The following PRELID2 variants were observed in gnomAD, a reference collection of about 807,000 sequenced individuals.
PRELID2 encodes PRELI domain-containing protein 2.
PRELID2 carries 25 observed loss-of-function variants against 28.4 expected under a neutral mutation model. That is an observed-to-expected ratio of 0.88 (90% CI 0.64 to 1.23). The LOEUF is 1.23. Ranked by LOEUF, PRELID2 falls within the 50% of genes most tolerant of loss-of-function variation. The pLI is 0.00. For missense variants in PRELID2, 201 were observed against 214.4 expected (o/e 0.94, Z 0.39); for synonymous variants, 76 against 71.6 (o/e 1.06, Z -0.31).
At chr5:145,527,269 TA>T (rs1454183150) in intron 1 of PRELID2, among the ~76,000 whole-genome samples, 4 of 152,170 alleles carry the variant, frequency 2.6e-5, no homozygotes, top group Non-Finnish European at 5.9e-5. Flanking sequence ...TACATACACA[TA>T]AATATGCAAA....
At chr5:145,735,017 C>CG (rs1354450899) in intron 1 of PRELID2, among the ~76,000 whole-genome samples, 3 of 152,108 alleles carry the variant, frequency 2.0e-5, no homozygotes, top group African/African-American at 7.2e-5. Context: ...GAGGATAAGG[C>CG]GGGCAGATCA....
At position 145,776,069 on chromosome 5, in the gene PRELID2, C is replaced by T. The variant is rs146849456; in HGVS notation, c.475-11069G>A. Among the ~76,000 whole-genome samples, 1,149 of 152,270 alleles carry T rather than the reference C, an allele frequency of 7.5e-3. 19 individuals carry two copies. The highest frequency in any genetic ancestry group is 0.026 in the African/African-American group (1,077 of 41,554). On this transcript the variant is annotated intron_variant, in intron 5 of 6. Transcript: ENST00000683046. ...AAAATGCCTGCAGTGTTTATAGTTACCTCTTATCTGTAGTTTTGTTTTCCA... is the reference window on the plus strand; with the variant it reads ...AAAATGCCTGCAGTGTTTATAGTTATCTCTTATCTGTAGTTTTGTTTTCCA...
intron 1 of PRELID2, among the ~76,000 whole-genome samples, chr5:145,546,472 A>G (rs769051054): frequency 8.5e-5 from 13 of 152,180 alleles, no homozygotes; most frequent in Non-Finnish European, 1.3e-4. Flanking sequence ...GTACACTTGT[A>G]AAAAGGGAAA....
intron 1 of PRELID2, among the ~76,000 whole-genome samples, chr5:145,479,329 A>G (rs1205813417): frequency 1.3e-5 from 2 of 152,078 alleles, no homozygotes; most frequent in East Asian, 3.9e-4. Flanking sequence ...CAGCGAGCCC[A>G]TTTGCTTGAC....
chr5:145,705,939 T>TACACAC (rs61283424), intron 1 of PRELID2, among the ~76,000 whole-genome samples: 8,648 of 145,510 alleles, frequency 0.059, 613 homozygotes, highest in African/African-American at 0.16. Context: ...CATGTGCGCC[T>TACACAC]ACACACACAC....
the PRELID2 span, among the ~76,000 whole-genome samples, chr5:145,426,986 C>CTCTGAAT: frequency 6.6e-6 from 1 of 152,314 alleles, no homozygotes; most frequent in South Asian, 2.1e-4. Context: ...TGAGTCAAAT[C>CTCTGAAT]TCTGAGTAAC....
chr5:145,726,092 C>T (rs1420359307), intron 1 of PRELID2, among the ~76,000 whole-genome samples: 2 of 151,682 alleles, frequency 1.3e-5, no homozygotes, highest in Admixed American at 6.6e-5. Flanking sequence ...TTGCTTGAGC[C>T]CACGAGATGG....
At chr5:145,556,365 T>G (rs899078953) in intron 1 of PRELID2, among the ~76,000 whole-genome samples, 1 of 152,166 alleles carries the variant, frequency 6.6e-6, no homozygotes, top group African/African-American at 2.4e-5. Flanking sequence ...TGGCTAGTTG[T>G]GTGAGCCAGA....
intron 1 of PRELID2, among the ~76,000 whole-genome samples, chr5:145,582,727 T>A (rs1043131035): frequency 6.6e-6 from 1 of 151,610 alleles, no homozygotes; most frequent in Admixed American, 6.6e-5. Flanking sequence ...ACACACACAC[T>A]CTCCCAAGAC....
chr5:145,613,110 T>TGAAA (rs1196427110), intron 1 of PRELID2, among the ~76,000 whole-genome samples: 2 of 152,134 alleles, frequency 1.3e-5, no homozygotes, highest in African/African-American at 4.8e-5. Context: ...AAGGTACAAG[T>TGAAA]GTCCCCTGAT....
chr5:145,485,700 C>T lies in PRELID2; in HGVS notation n.71-12385G>A, dbSNP rs62392701. Among the ~76,000 whole-genome samples the T allele has an allele frequency of 9.2e-3, 1,403 of 152,308 alleles. 8 individuals are homozygous for T. The highest frequency in any genetic ancestry group is 0.013 in the Non-Finnish European group (901 of 68,016). On this transcript the variant is annotated intron_variant and non_coding_transcript_variant, in intron 1 of 2. Transcript: ENST00000510259. Reference sequence around the variant, plus strand: ...ACCAACGTCTGTCCCTGACCAGAGACTCCTCAGCACCTGAGTCGTCAGGTA... The same window carrying T: ...ACCAACGTCTGTCCCTGACCAGAGATTCCTCAGCACCTGAGTCGTCAGGTA...
intron 1 of PRELID2, among the ~76,000 whole-genome samples, chr5:145,568,606 T>C (rs1005616144): frequency 6.6e-6 from 1 of 152,354 alleles, no homozygotes; most frequent in African/African-American, 2.4e-5. Flanking sequence ...CTTCTTTCTC[T>C]TTTAGAATTT....
At chr5:145,569,713 G>A (rs1242554012) in intron 1 of PRELID2, among the ~76,000 whole-genome samples, 2 of 152,162 alleles carry the variant, frequency 1.3e-5, no homozygotes, top group Non-Finnish European at 2.9e-5. Flanking sequence ...TACGTATTAG[G>A]TATTTACATA....
chr5:145,635,521 T>C (rs1473300317), intron 1 of PRELID2, among the ~76,000 whole-genome samples: 2 of 152,206 alleles, frequency 1.3e-5, no homozygotes, highest in Admixed American at 1.3e-4. Flanking sequence ...CATCCCCACT[T>C]GAAGAAGAAA....
At chr5:145,813,561 G>A (rs1328904694) in intron 4 of PRELID2, among the ~76,000 whole-genome samples, 1 of 151,672 alleles carries the variant, frequency 6.6e-6, no homozygotes, top group Non-Finnish European at 1.5e-5. Context: ...CCTCACCACT[G>A]TGCTCAAGGT....
the PRELID2 span, chr5:145,229,034 G>A: frequency 6.2e-7 from 1 of 1,601,864 alleles, no homozygotes; most frequent in Non-Finnish European, 8.5e-7. Context: ...AGTTCATCTG[G>A]GCGGCCATCC....
chr5:145,817,198 A>AAAATATATATATATAT (rs1365517052), intron 4 of PRELID2, among the ~76,000 whole-genome samples: 19 of 70,044 alleles, frequency 2.7e-4, no homozygotes, highest in East Asian at 7.0e-4. Flanking sequence ...TTCAAAAAAA[A>AAAATATATATATATAT]ATAAATAAAT....
chr5:145,269,414 A>G, the PRELID2 span, among the ~76,000 whole-genome samples: 1 of 152,018 alleles, frequency 6.6e-6, no homozygotes, highest in Non-Finnish European at 1.5e-5. Flanking sequence ...TTTCCAACTA[A>G]AGATACTGGA....
At chr5:145,273,894 G>C in the PRELID2 span, among the ~76,000 whole-genome samples, 1 of 152,094 alleles carries the variant, frequency 6.6e-6, no homozygotes, top group South Asian at 2.1e-4. Context: ...CAATGACATG[G>C]ACAAATGCAC....
Sources: allele counts gnomAD v4.1 joint callset (sites outside exome capture counted in the v4.1 genomes callset), GRCh38; gene constraint gnomAD v4.1.1; transcripts MANE v1.5; gene names NCBI Gene and HGNC (gene_info 2026-07-23, HGNC 2026-07-21).